AMBRA1: variants seen among roughly 807,000 people sequenced by gnomAD.
AMBRA1 encodes the protein activating molecule in BECN1-regulated autophagy protein 1.
A neutral mutation model predicts 125.4 loss-of-function variants in AMBRA1; 47 were observed. The observed-to-expected ratio is 0.37, with a 90% CI of 0.30 to 0.48. AMBRA1 has a LOEUF of 0.48. Among genes scored for constraint, AMBRA1 ranks in the 20% least tolerant of loss-of-function variants. The pLI is 0.99. For missense variants in AMBRA1, 1,331 were observed against 1,693.4 expected (o/e 0.79, Z 3.76); for synonymous variants, 626 against 655.5 (o/e 0.95, Z 0.69).
intron 1 of AMBRA1, among the ~76,000 whole-genome samples, chr11:46,590,034 T>C (rs769968276): frequency 1.3e-5 from 2 of 152,152 alleles, no homozygotes; most frequent in Admixed American, 6.5e-5. Context: ...AAAAGTTTTA[T>C]AAGTTTCCTA....
chr11:46,586,757 G>C (rs1272949849), intron 1 of AMBRA1, among the ~76,000 whole-genome samples: 3 of 152,194 alleles, frequency 2.0e-5, no homozygotes, highest in Non-Finnish European at 4.4e-5. Flanking sequence ...GAGGCACAGA[G>C]AGACTAAGTA....
chr11:46,479,743 T>C (rs1949981282), intron 11 of AMBRA1, among the ~76,000 whole-genome samples: 1 of 152,172 alleles, frequency 6.6e-6, no homozygotes, highest in African/African-American at 2.4e-5. Context: ...GTTAGTTTAC[T>C]GGTGAATAGA....
At chr11:46,427,737 G>T (rs1027504019) in intron 14 of AMBRA1, among the ~76,000 whole-genome samples, 2 of 152,274 alleles carry the variant, frequency 1.3e-5, no homozygotes, top group Non-Finnish European at 1.5e-5. Flanking sequence ...GGCCGGGAGC[G>T]CTGGCTCATG....
chr11:46,397,660 C>T lies in AMBRA1; in HGVS notation c.3687G>A (p.Arg1229=). ...TACCAGGCTGGTCCCAGGAAGCTGTCCGGGGGCTTAGGCCTCGCTCTGCCA... is the reference window on the plus strand; with the variant it reads ...TACCAGGCTGGTCCCAGGAAGCTGTTCGGGGGCTTAGGCCTCGCTCTGCCA... The part of the protein sequence containing the change: ...GQLAERGLSP[R]TASWDQPGTP... The change falls in exon 18 of 18, where the codon CGG becomes CGA. Residue 1229 remains arginine, a synonymous_variant. Coordinates refer to ENST00000683756, the MANE Select transcript of AMBRA1 (RefSeq NM_001387011.1). 1 of 1,613,104 alleles carries T rather than the reference C, an allele frequency of 6.2e-7. No individual in the cohort carries two copies. The highest frequency in any genetic ancestry group is 8.5e-7 in the Non-Finnish European group (1 of 1,179,402).
At chr11:46,429,832 C>T (rs544005553) in intron 14 of AMBRA1, among the ~76,000 whole-genome samples, 60 of 152,136 alleles carry the variant, frequency 3.9e-4, no homozygotes, top group African/African-American at 1.4e-3. Flanking sequence ...TTCAGCAAAA[C>T]TTCAGCTCAG....
At chr11:46,473,273 C>T (rs747802249) in intron 11 of AMBRA1, among the ~76,000 whole-genome samples, 1 of 152,204 alleles carries the variant, frequency 6.6e-6, no homozygotes, top group African/African-American at 2.4e-5. Context: ...GACAACTGAC[C>T]TCATCAAAGG....
At chr11:46,509,845 C>CAT (rs1951191947) in intron 8 of AMBRA1, among the ~76,000 whole-genome samples, 1 of 151,880 alleles carries the variant, frequency 6.6e-6, no homozygotes, top group Non-Finnish European at 1.5e-5. Context: ...AGGAAAAGGG[C>CAT]ATAGATTTTC....
chr11:46,568,949 G>A (rs959848694), intron 1 of AMBRA1, among the ~76,000 whole-genome samples: 2 of 151,396 alleles, frequency 1.3e-5, no homozygotes, highest in Non-Finnish European at 2.9e-5. Flanking sequence ...TGAGACTACA[G>A]GCATGTGCGA....
chr11:46,528,663 A>C (rs542604443), intron 7 of AMBRA1, among the ~76,000 whole-genome samples: 92 of 152,296 alleles, frequency 6.0e-4, no homozygotes, highest in African/African-American at 2.1e-3. Context: ...AAGGATACAG[A>C]GTTTCAGTCA....
At chr11:46,518,018 T>A (rs1267702822) in intron 7 of AMBRA1, 4 of 648,608 alleles carry the variant, frequency 6.2e-6, no homozygotes, top group Non-Finnish European at 5.7e-6. Flanking sequence ...TATATGGGAA[T>A]CCTCTATACG....
At chr11:46,445,847 TAA>T (rs1350525273) in intron 11 of AMBRA1, among the ~76,000 whole-genome samples, 1 of 152,208 alleles carries the variant, frequency 6.6e-6, no homozygotes, top group Non-Finnish European at 1.5e-5. Flanking sequence ...TGCTAGTTGC[TAA>T]GAGAGGGTAG....
At chr11:46,461,716 C>T (rs987630660) in intron 11 of AMBRA1, among the ~76,000 whole-genome samples, 7 of 152,242 alleles carry the variant, frequency 4.6e-5, no homozygotes, top group Non-Finnish European at 7.3e-5. Flanking sequence ...AAAGCCTGAG[C>T]TACTGCACTG....
chr11:46,552,745 C>A (rs987634339), intron 1 of AMBRA1, among the ~76,000 whole-genome samples: 2 of 151,110 alleles, frequency 1.3e-5, no homozygotes, highest in East Asian at 1.9e-4. Flanking sequence ...ACACAAAATT[C>A]TATATGCAGT....
At chr11:46,458,704 C>T (rs1948957306) in intron 11 of AMBRA1, among the ~76,000 whole-genome samples, 1 of 152,172 alleles carries the variant, frequency 6.6e-6, no homozygotes, top group South Asian at 2.1e-4. Context: ...TCAAGTGATC[C>T]TCCCACTTCA....
At chr11:46,563,268 G>A (rs1295436194) in intron 1 of AMBRA1, among the ~76,000 whole-genome samples, 1 of 152,080 alleles carries the variant, frequency 6.6e-6, no homozygotes, top group Non-Finnish European at 1.5e-5. Context: ...TTGTCAACCA[G>A]GCTGAAGTGT....
chr11:46,444,319 G>C (rs993417825), intron 11 of AMBRA1, among the ~76,000 whole-genome samples: 1 of 151,988 alleles, frequency 6.6e-6, no homozygotes, highest in African/African-American at 2.4e-5. Flanking sequence ...ACATCTCCAG[G>C]TTTAACTTTC....
chr11:46,517,955 A>T (rs949408631), intron 7 of AMBRA1, among the ~76,000 whole-genome samples: 1 of 152,082 alleles, frequency 6.6e-6, no homozygotes, highest in Non-Finnish European at 1.5e-5. Flanking sequence ...ACAAAAGAAG[A>T]TAATAAAGCC....
At chr11:46,462,751 C>G (rs1042563623) in intron 11 of AMBRA1, among the ~76,000 whole-genome samples, 1 of 151,940 alleles carries the variant, frequency 6.6e-6, no homozygotes, top group Non-Finnish European at 1.5e-5. Context: ...AAATAATTCA[C>G]CCCCCTCCTT....
intron 11 of AMBRA1, among the ~76,000 whole-genome samples, chr11:46,488,586 C>A (rs1405772408): frequency 6.6e-6 from 1 of 151,926 alleles, no homozygotes; most frequent in Admixed American, 6.6e-5. Flanking sequence ...AAAGCTGGAA[C>A]AATAATATTG....
Sources: gnomAD v4.1 joint callset for allele counts (sites outside exome capture counted in the v4.1 genomes callset) on GRCh38, gnomAD v4.1.1 for gene constraint, MANE v1.5 for transcripts, NCBI Gene and HGNC (gene_info 2026-07-23, HGNC 2026-07-21) for gene names.